DNM1: variants seen among roughly 807,000 people sequenced by gnomAD.
DNM1 encodes dynamin 1.
A neutral mutation model predicts 104.6 loss-of-function variants in DNM1; 29 were observed. The ratio of observed to expected loss-of-function variants is 0.28; its 90% CI spans 0.21 to 0.38. The LOEUF is 0.38. DNM1 is among the 10% of genes least tolerant of loss of function. The probability of loss-of-function intolerance (pLI) is 1.00; values close to 1 mark genes in which losing one functional copy is unlikely to be tolerated. For synonymous variants in DNM1, 445 were observed against 475.8 expected (o/e 0.94, Z 0.84); for missense variants, 640 against 1,189.4 (o/e 0.54, Z 6.79).
chr9:128,239,911 C>G, intron 13 of DNM1, 74 bp from the exon 14 acceptor site: 1 of 1,598,404 alleles, frequency 6.3e-7, no homozygotes, highest in African/African-American at 1.3e-5. Flanking sequence ...CCACAAGCCT[C>G]CCACTCTGCC....
intron 4 of DNM1, 71 bp downstream of exon 4, chr9:128,219,323 G>A: frequency 1.5e-6 from 2 of 1,379,214 alleles, no homozygotes; most frequent in Non-Finnish European, 2.1e-6. Flanking sequence ...GTGTAAAGGG[G>A]AGCCTCTGAA....
intron 1 of DNM1, among the ~76,000 whole-genome samples, chr9:128,211,792 C>T (rs770738559): frequency 9.9e-5 from 15 of 152,152 alleles, no homozygotes; most frequent in Admixed American, 2.6e-4. Context: ...ATGACCTGGC[C>T]CTCCCTGTGT....
Position 128,253,965 on chromosome 9 carries a change from C to A in DNM1, c.2535-689C>A. ...AGCTCCGCCCAGTGAGCCCACCCCC[C>A]ATTCTCCTGCCACTGACTCTCGCTC... On this transcript the variant is annotated intron_variant, in intron 21 of 21. Coordinates refer to ENST00000372923, the MANE Select transcript of DNM1 (RefSeq NM_004408.4). The surrounding 1 kb of genome is among the most constrained non-coding windows in gnomAD (Gnocchi z 5.9). 8.1e-7 allele frequency: 1 copy of A among 1,233,674 alleles called. No homozygotes were observed. Among genetic ancestry groups the A allele is most frequent in the East Asian group, 3.2e-5 (1 of 31,706 alleles). The allele number at this position is 1,233,674 out of a possible 1,614,324, so 76.4% of individuals were successfully genotyped here.
Position 128,234,123 on chromosome 9 carries a change from C to A in DNM1, c.1422+16C>A. On this transcript the variant is annotated intron_variant, in intron 11 of 21. Coordinates refer to ENST00000372923, the MANE Select transcript of DNM1 (RefSeq NM_004408.4). ...TAAGGAGCAGGTGAGCCCCGCAGCA[C>A]CCGGCCTGGCCGCGCCTTCCTTCCA... 6.6e-7 allele frequency: 1 copy of A among 1,514,958 alleles called. No homozygotes were observed. Among genetic ancestry groups the A allele is most frequent in the South Asian group, 1.3e-5 (1 of 79,286 alleles). The allele number at this position is 1,514,958 out of a possible 1,614,324, so 93.8% of individuals were successfully genotyped here.
Position 128,222,068 on chromosome 9 carries a change from G to A in DNM1, c.850-129G>A, listed in dbSNP as rs1419919674. The A allele has an allele frequency of 1.1e-5, 12 of 1,120,480 alleles. No individual in the cohort carries two copies. Among genetic ancestry groups the A allele is most frequent in the South Asian group, 5.3e-5 (3 of 57,026 alleles). The allele number at this position is 1,120,480 out of a possible 1,614,324, so 69.4% of individuals were successfully genotyped here. A position where few individuals can be genotyped will look rare whatever the true frequency, so the allele number is the denominator to read the frequency against. ...GAACCAGTTTTCTTGCTAGTGGCCC[G>A]GGCAGCAGTGGCAGGGCTGCCCTCC... On this transcript the variant is annotated intron_variant, in intron 6 of 21. Coordinates refer to ENST00000372923, the MANE Select transcript of DNM1 (RefSeq NM_004408.4). The surrounding 1 kb of genome is among the most constrained non-coding windows in gnomAD (Gnocchi z 7.8).
chr9:128,220,332 C>T lies in DNM1; in HGVS notation c.840C>T (p.Val280=). The T allele has an allele frequency of 6.2e-7, 1 of 1,613,908 alleles. No individual in the cohort carries two copies. The highest frequency in any genetic ancestry group is 1.1e-5 in the South Asian group (1 of 91,090). ...DRMGTPYLQK[V]LNQQLTNHIR... ...TGGGCACGCCCTACCTGCAGAAGGT[C>T]CTCAATCAGGTAGGCGACCAAGCCA... The change falls in exon 6 of 22, where the codon GTC becomes GTT. Residue 280 remains valine, a synonymous_variant. Coordinates refer to ENST00000372923, the MANE Select transcript of DNM1 (RefSeq NM_004408.4). The surrounding 1 kb of genome is among the most constrained non-coding windows in gnomAD (Gnocchi z 5.2).
At position 128,253,190 on chromosome 9, in the gene DNM1, A is replaced by T; in HGVS notation, c.2535-1464A>T. 6.4e-7 allele frequency: 1 copy of T among 1,568,818 alleles called. No homozygotes were observed. The highest frequency in any genetic ancestry group is 8.7e-7 in the Non-Finnish European group (1 of 1,153,652). On this transcript the variant is annotated intron_variant, in intron 21 of 21. Coordinates refer to ENST00000372923, the MANE Select transcript of DNM1 (RefSeq NM_004408.4). This position sits in a 1 kb window ranked among gnomAD's most constrained non-coding sequence, Gnocchi z 5.9. ...ATGAACGGTGTGTCTGCCCCGCTGC[A>T]CTAGCTCCACACGGGGCGCGCACCT...
At chr9:128,244,810 C>T (rs776787360) in intron 15 of DNM1, 6 of 533,932 alleles carry the variant, frequency 1.1e-5, no homozygotes, top group South Asian at 4.2e-5. Context: ...ACTGGGTAGA[C>T]GGAGTGGAGG....
chr9:128,239,627 G>T lies in DNM1; in HGVS notation c.1494-101G>T, dbSNP rs1406607976. The T allele has an allele frequency of 3.1e-6, 4 of 1,270,496 alleles. No homozygotes were observed. In the South Asian group the frequency reaches 3.8e-5, roughly 12 times the overall value. 78.7% of individuals were successfully genotyped at this position (1,270,496 alleles called of 1,614,324 possible). ...GTGTGTGTGTGTGTGTAGAGCCCAG[G>T]TCTGCTAGGTTAACCCTCTGGGTCC... On this transcript the variant is annotated intron_variant, in intron 12 of 21. Coordinates refer to ENST00000372923, the MANE Select transcript of DNM1 (RefSeq NM_004408.4).
At chr9:128,238,476 G>A (rs533520551) in intron 11 of DNM1, among the ~76,000 whole-genome samples, 12 of 151,874 alleles carry the variant, frequency 7.9e-5, no homozygotes, top group East Asian at 5.8e-4. Context: ...CGCCCACTTC[G>A]GCCTCCCAAA....
At position 128,247,482 on chromosome 9, in the gene DNM1, T is replaced by C. The variant is rs1295777740; in HGVS notation, c.1889T>C (p.Val630Ala). The part of the protein sequence containing the change: ...FLRAGVYPER[V>A]GDKEKASETE... Reference sequence around the variant, plus strand: ...AGGGCTGGCGTGTACCCTGAGCGTGTTGGGGTGAGTGGCAGGGCAAGGAGA... The same window carrying C: ...AGGGCTGGCGTGTACCCTGAGCGTGCTGGGGTGAGTGGCAGGGCAAGGAGA... The change falls in exon 17 of 22, where the codon GTT becomes GCT. Residue 630 changes from valine to alanine, a missense_variant. Coordinates refer to ENST00000372923, the MANE Select transcript of DNM1 (RefSeq NM_004408.4). This position sits in a 1 kb window ranked among gnomAD's most constrained non-coding sequence, Gnocchi z 5.1. 3 of 1,607,080 alleles carry C rather than the reference T, an allele frequency of 1.9e-6. No homozygotes were observed. Among genetic ancestry groups the C allele is most frequent in the Admixed American group, 3.3e-5 (2 of 59,780 alleles).
rs1254096669 is a variant in DNM1, at chr9:128,242,270, C to A, written c.1596C>A (p.Gly532=). 6.2e-7 allele frequency: 1 copy of A among 1,612,690 alleles called. No individual in the cohort carries two copies. Among genetic ancestry groups the A allele is most frequent in the Non-Finnish European group, 8.5e-7 (1 of 1,178,808 alleles). Residue 532 remains glycine, a synonymous_variant, in exon 15 of 22, where the codon GGC becomes GGA. Coordinates refer to ENST00000372923, the MANE Select transcript of DNM1 (RefSeq NM_004408.4). ...RKGWLTINNI[G]IMKGGSKEYW... is the part of the protein sequence containing the mutation. ...GCTGGCTGACTATCAATAATATTGG[C>A]ATCATGAAAGGGGGCTCCAAGGAGT...
In DNM1 at chr9:128,220,249, G is replaced by A. The variant is rs752005713; in HGVS notation, c.757G>A (p.Ala253Thr). ...CAAGAAGGACATTACCGCCGCCTTGGCTGCTGAACGAAAGTTCTTCCTCTC... is the reference window on the plus strand; with the variant it reads ...CAAGAAGGACATTACCGCCGCCTTGACTGCTGAACGAAAGTTCTTCCTCTC... ...DGKKDITAAL[A>T]AERKFFLSHP... Residue 253 changes from alanine to threonine, a missense_variant, in exon 6 of 22, where the codon GCT (alanine) becomes ACT (threonine). By Grantham distance (58) the Ala-to-Thr change is moderately conservative. Transcript: ENST00000372923. The surrounding 1 kb of genome is among the most constrained non-coding windows in gnomAD (Gnocchi z 5.2). 6 of 1,614,240 alleles carry A rather than the reference G, an allele frequency of 3.7e-6. No homozygotes were observed. Among genetic ancestry groups the A allele is most frequent in the South Asian group, 1.1e-5 (1 of 91,084 alleles).
chr9:128,233,341 C>T (rs994148780), intron 10 of DNM1, among the ~76,000 whole-genome samples: 2 of 152,218 alleles, frequency 1.3e-5, no homozygotes, highest in African/African-American at 4.8e-5. Flanking sequence ...GGCCAGGGCC[C>T]AGCCAGGCCC....
Position 128,247,889 on chromosome 9 carries a change from G to C in DNM1, c.1894-35G>C, listed in dbSNP as rs188291959. 6.1e-4 allele frequency: 980 copies of C among 1,611,448 alleles called. 2 individuals are homozygous for C. Among genetic ancestry groups the C allele is most frequent in the Non-Finnish European group, 7.5e-4 (886 of 1,178,344 alleles). ...CCTTCGGCTGTGCTCCCTGGTGGTG[G>C]CGGCGGTGGCAATGTTGGTGTGTGG... On this transcript the variant is annotated intron_variant, in intron 17 of 21. Coordinates refer to ENST00000372923, the MANE Select transcript of DNM1 (RefSeq NM_004408.4). This position sits in a 1 kb window ranked among gnomAD's most constrained non-coding sequence, Gnocchi z 5.1.
Position 128,254,481 on chromosome 9 carries a change from C to T in DNM1, c.2535-173C>T. On this transcript the variant is annotated intron_variant, in intron 21 of 21. Transcript: ENST00000372923. This position sits in a 1 kb window ranked among gnomAD's most constrained non-coding sequence, Gnocchi z 6.1. Reference sequence around the variant, plus strand: ...CTCCCTCCATCTTCCTCCCCTTTCCCTTCCAGCCCCTTTTCCAGGAACCTT... The same window carrying T: ...CTCCCTCCATCTTCCTCCCCTTTCCTTTCCAGCCCCTTTTCCAGGAACCTT... 6.6e-7 allele frequency: 1 copy of T among 1,508,976 alleles called. No homozygotes were observed. Among genetic ancestry groups the T allele is most frequent in the East Asian group, 2.5e-5 (1 of 40,280 alleles). 93.5% of individuals were successfully genotyped at this position (1,508,976 alleles called of 1,614,324 possible). A position where few individuals can be genotyped will look rare whatever the true frequency, so the allele number is the denominator to read the frequency against.
chr9:128,252,341 A>G (rs1829581037), intron 21 of DNM1: 5 of 370,852 alleles, frequency 1.3e-5, no homozygotes, highest in African/African-American at 2.1e-5. Flanking sequence ...GCTAACACAC[A>G]TGAAACATTT....
rs774921824 is a variant in DNM1 at position 128,254,734 on chromosome 9, G to T, written c.*20G>T. ...CTCTAAACAGATCCCTCCTCTTCTC[G>T]GAGACCTCCCTTTCCAAGCCTGCCT... On this transcript the variant is annotated 3_prime_UTR_variant, in exon 22 of 22. Transcript: ENST00000372923. This position sits in a 1 kb window ranked among gnomAD's most constrained non-coding sequence, Gnocchi z 6.1. 5 of 1,593,652 alleles carry T rather than the reference G, an allele frequency of 3.1e-6. No homozygotes were observed. The highest frequency in any genetic ancestry group is 4.2e-6 in the Non-Finnish European group (5 of 1,177,696).
chr9:128,207,730 A>G (rs1230876413), intron 1 of DNM1, among the ~76,000 whole-genome samples: 4 of 152,182 alleles, frequency 2.6e-5, no homozygotes, highest in Admixed American at 6.5e-5. Context: ...CCCTTGTGAG[A>G]TTATGGTGAG....
Sources: allele counts gnomAD v4.1 joint callset (sites outside exome capture counted in the v4.1 genomes callset), GRCh38; gene constraint gnomAD v4.1.1; non-coding constraint Gnocchi (gnomAD v3.1); transcripts MANE v1.5; gene names NCBI Gene and HGNC (gene_info 2026-07-23, HGNC 2026-07-21).